The following DPYSL3 variants were observed in gnomAD, a reference collection of about 807,000 sequenced individuals.
DPYSL3 encodes the protein dihydropyrimidinase like 3.
DPYSL3 carries 16 observed loss-of-function variants against 66.1 expected under a neutral mutation model. That is an observed-to-expected ratio of 0.24 (90% CI 0.16 to 0.37). The LOEUF (loss-of-function observed/expected upper bound fraction) is 0.37. Among genes scored for constraint, DPYSL3 ranks in the 10% least tolerant of loss-of-function variants. DPYSL3 has a pLI of 1.00. For synonymous variants in DPYSL3, 338 were observed against 345.1 expected, an observed-to-expected ratio of 0.98 and a Z score of 0.23; for missense variants, 738 against 916.2, an observed-to-expected ratio of 0.81 and a Z score of 2.51.
intron 6 of DPYSL3, among the ~76,000 whole-genome samples, chr5:147,410,116 T>A (rs76861487): frequency 2.6e-5 from 4 of 152,252 alleles, no homozygotes; most frequent in African/African-American, 9.6e-5. Context: ...TAAAGTCTAG[T>A]GAGTTTCTAC....
At position 147,413,578 on chromosome 5, in the gene DPYSL3, T is replaced by G; in HGVS notation, c.882+18A>C. ...ACCCATCCAGATACCCCAAACCACATAGCAAATGGGTTGTTACCTCTGTGT... is the reference window on the plus strand; with the variant it reads ...ACCCATCCAGATACCCCAAACCACAGAGCAAATGGGTTGTTACCTCTGTGT... On this transcript the variant is annotated intron_variant, in intron 5 of 13. Transcript: ENST00000343218. The G allele has an allele frequency of 6.2e-7, 1 of 1,604,492 alleles. No individual in the cohort carries two copies. The highest frequency in any genetic ancestry group is 8.5e-7 in the Non-Finnish European group (1 of 1,171,970).
At chr5:147,428,500 G>A (rs1752242681) in intron 1 of DPYSL3, among the ~76,000 whole-genome samples, 1 of 152,044 alleles carries the variant, frequency 6.6e-6, no homozygotes, top group Non-Finnish European at 1.5e-5. Context: ...CGTGGGGTAT[G>A]ACATAACCAC....
intron 13 of DPYSL3, 46 bp downstream of exon 13, chr5:147,395,511 CTT>C: frequency 6.4e-7 from 1 of 1,564,836 alleles, no homozygotes; most frequent in East Asian, 2.4e-5. Context: ...GAACATTGAT[CTT>C]CCCCTTCCCC....
chr5:147,408,492 T>C (rs1428584852), intron 7 of DPYSL3, among the ~76,000 whole-genome samples: 1 of 152,186 alleles, frequency 6.6e-6, no homozygotes, highest in Non-Finnish European at 1.5e-5. Flanking sequence ...TTAACACTCC[T>C]GAATAGCTGT....
At chr5:147,440,860 G>C (rs554092891) in intron 1 of DPYSL3, among the ~76,000 whole-genome samples, 41 of 152,242 alleles carry the variant, frequency 2.7e-4, no homozygotes, top group African/African-American at 9.4e-4. Context: ...AGTAAGTGAG[G>C]GTTTTCAAGG....
intron 1 of DPYSL3, among the ~76,000 whole-genome samples, chr5:147,462,637 T>C (rs758708496): frequency 1.3e-5 from 2 of 152,122 alleles, no homozygotes; most frequent in Non-Finnish European, 2.9e-5. Context: ...AGACAACATA[T>C]TCCATATTCC....
chr5:147,414,468 A>T (rs1751922013), intron 4 of DPYSL3, among the ~76,000 whole-genome samples: 2 of 152,138 alleles, frequency 1.3e-5, no homozygotes, highest in African/African-American at 4.8e-5. Context: ...TTGGTCTCTA[A>T]CCATTAGAGC....
At chr5:147,428,447 A>G (rs1752241169) in intron 1 of DPYSL3, among the ~76,000 whole-genome samples, 1 of 152,100 alleles carries the variant, frequency 6.6e-6, no homozygotes, top group Non-Finnish European at 1.5e-5. Flanking sequence ...AACAAAGAGG[A>G]ATCTGAAAGG....
intron 1 of DPYSL3, among the ~76,000 whole-genome samples, chr5:147,508,114 G>C (rs1204183922): frequency 1.3e-5 from 2 of 152,166 alleles, no homozygotes; most frequent in Non-Finnish European, 2.9e-5. Context: ...CAAGGGCTTA[G>C]GGGAATCACG....
At chr5:147,463,533 T>A (rs898248351) in intron 1 of DPYSL3, among the ~76,000 whole-genome samples, 1 of 152,118 alleles carries the variant, frequency 6.6e-6, no homozygotes, top group Non-Finnish European at 1.5e-5. Context: ...ATACATGTAT[T>A]GCATTGTTAA....
rs1190992656 is a variant in DPYSL3 at position 147,503,378 on chromosome 5, C to T, written c.381+6100G>A. Among the ~76,000 whole-genome samples the T allele has an allele frequency of 3.9e-5, 6 of 152,134 alleles. No individual in the cohort carries two copies. In the South Asian group the frequency reaches 1.0e-3, roughly 26 times the overall value. On this transcript the variant is annotated intron_variant, in intron 1 of 13. Coordinates refer to ENST00000343218, the MANE Select transcript of DPYSL3 (RefSeq NM_001197294.2). Reference sequence around the variant, plus strand: ...TTCCAGTCATGGCTGGCTGCAACCTCGACTTTTCAGGCTCAAGCAAACCTC... The same window carrying T: ...TTCCAGTCATGGCTGGCTGCAACCTTGACTTTTCAGGCTCAAGCAAACCTC...
At chr5:147,408,900 T>C (rs1751783929) in intron 6 of DPYSL3, 104 bp from the exon 7 acceptor site, 1 of 1,111,018 alleles carries the variant, frequency 9.0e-7, no homozygotes. Context: ...AATATGCGTA[T>C]GTTGAACAGA....
chr5:147,484,303 C>T (rs1450076976), intron 1 of DPYSL3, among the ~76,000 whole-genome samples: 1 of 152,218 alleles, frequency 6.6e-6, no homozygotes, highest in Non-Finnish European at 1.5e-5. Context: ...CCTTCATAGC[C>T]CATCTGGCCT....
intron 1 of DPYSL3, among the ~76,000 whole-genome samples, chr5:147,452,454 C>T (rs966180999): frequency 5.3e-5 from 8 of 151,872 alleles, no homozygotes; most frequent in Non-Finnish European, 1.2e-4. Context: ...CACACACACA[C>T]ACACACACAC....
chr5:147,497,649 A>G (rs1340031404), intron 1 of DPYSL3, among the ~76,000 whole-genome samples: 1 of 152,028 alleles, frequency 6.6e-6, no homozygotes, highest in East Asian at 1.9e-4. Context: ...GAAAAATCAC[A>G]TGGTCATATC....
intron 9 of DPYSL3, 141 bp downstream of exon 9, chr5:147,401,399 C>T (rs2152017178): frequency 1.0e-6 from 1 of 966,544 alleles, no homozygotes; most frequent in Non-Finnish European, 1.5e-6. Flanking sequence ...ACGCTCAAGA[C>T]TGTAAAAGAA....
intron 1 of DPYSL3, among the ~76,000 whole-genome samples, chr5:147,474,271 T>G (rs762658174): frequency 6.6e-6 from 1 of 152,098 alleles, no homozygotes; most frequent in Non-Finnish European, 1.5e-5. Flanking sequence ...TCTGTCATCT[T>G]TTATTAATAC....
intron 8 of DPYSL3, among the ~76,000 whole-genome samples, chr5:147,404,676 A>G (rs766849728): frequency 4.6e-5 from 7 of 152,238 alleles, no homozygotes; most frequent in Non-Finnish European, 1.0e-4. Flanking sequence ...GAAACAGAAA[A>G]GAAAGCTCTG....
chr5:147,482,940 A>T (rs139885783), intron 1 of DPYSL3, among the ~76,000 whole-genome samples: 1 of 152,264 alleles, frequency 6.6e-6, no homozygotes, highest in Non-Finnish European at 1.5e-5. Context: ...GAACTGTCAA[A>T]CTCTTATAAA....
Sources: gnomAD v4.1 joint callset for allele counts (sites outside exome capture counted in the v4.1 genomes callset) on GRCh38, gnomAD v4.1.1 for gene constraint, MANE v1.5 for transcripts, NCBI Gene and HGNC (gene_info 2026-07-23, HGNC 2026-07-21) for gene names.